NOP58: variants seen among roughly 807,000 people sequenced by gnomAD.
NOP58 encodes the protein nucleolar protein 58.
NOP58 carries 44 observed loss-of-function variants against 71.2 expected under a neutral mutation model. The observed-to-expected ratio is 0.62, with a 90% confidence interval of 0.49 to 0.79. The LOEUF (loss-of-function observed/expected upper bound fraction) is 0.79. Among genes scored for constraint, NOP58 ranks in the 30% least tolerant of loss-of-function variants. The pLI, the probability that NOP58 is intolerant of heterozygous loss-of-function variation, is 0.00. For missense variants in NOP58, 538 were observed against 620.2 expected (o/e 0.87, Z 1.41); for synonymous variants, 228 against 200.3 (o/e 1.14, Z -1.17).
rs772724471 is a variant in NOP58 at position 202,295,765 on chromosome 2, G to T, written c.999G>T (p.Arg333=). The T allele has an allele frequency of 2.5e-6, 4 of 1,611,548 alleles. No individual in the cohort carries two copies. The highest frequency in any genetic ancestry group is 3.4e-6 in the Non-Finnish European group (4 of 1,179,014). Residue 333 remains arginine (R), a synonymous_variant, in exon 10 of 15, where the codon CGG becomes CGT. Coordinates refer to ENST00000264279, the MANE Select transcript of NOP58 (RefSeq NM_015934.5). The stretch of plus-strand genomic sequence containing the variant: ...TTTTCAGAGCCCTCAAATCTAGACG[G>T]GATACCCCTAAGTATGGTCTCATTT... The part of the protein sequence containing the change: ...KALFRALKSR[R]DTPKYGLIYH...
intron 10 of NOP58, among the ~76,000 whole-genome samples, chr2:202,296,678 A>G (rs765948373): frequency 3.0e-4 from 45 of 152,118 alleles, no homozygotes; most frequent in Middle Eastern, 3.2e-3. Flanking sequence ...GTTCAATAAA[A>G]TAAAATGTTA....
At chr2:202,293,255 TAAGAAATCACTGTAGAGAAAGAAAAAAAA>T (rs1688934119) in intron 9 of NOP58, 2 of 386,022 alleles carry the variant, frequency 5.2e-6, no homozygotes, top group East Asian at 6.6e-5. Flanking sequence ...AATACAGTTT[TAAGAAATCACTGTAGAGAAAGAAAAAAAA>T]AAGAAATCAC....
rs575291968 is a variant in NOP58 at position 202,291,127 on chromosome 2, G to A, written c.637G>A (p.Asp213Asn). Residue 213 changes from aspartate to asparagine, a missense_variant and splice_region_variant, in exon 8 of 15, where the codon GAT becomes AAT. Coordinates refer to ENST00000264279, the MANE Select transcript of NOP58 (RefSeq NM_015934.5). Reference sequence around the variant, plus strand: ...CATCCTCTGCAAACATTCCATAGGCGATAGGAAGAACTATGCCTCTGCCAA... The same window carrying A: ...CATCCTCTGCAAACATTCCATAGGCAATAGGAAGAACTATGCCTCTGCCAA... Reference protein sequence around the residue: ...TYCKCLQKVGDRKNYASAKLS... With the variant: ...TYCKCLQKVGNRKNYASAKLS... 14 of 1,601,082 alleles carry A rather than the reference G, an allele frequency of 8.7e-6. No homozygotes were observed. The African/African-American group carries it at 9.4e-5, about 11-fold the overall frequency.
Position 202,287,730 on chromosome 2 carries a change from T to C in NOP58, c.499+6T>C. The C allele has an allele frequency of 6.3e-7, 1 of 1,599,966 alleles. No individual in the cohort carries two copies. Among genetic ancestry groups the C allele is most frequent in the Non-Finnish European group, 8.6e-7 (1 of 1,167,178 alleles). On this transcript the variant is annotated splice_donor_region_variant and intron_variant, in intron 6 of 14. Transcript: ENST00000264279. The stretch of plus-strand genomic sequence containing the variant: ...AATGATTGTTCAGGCAATTTGTAAG[T>C]ATAGTACATGCAAAGTCCGATTTGT...
chr2:202,276,492 C>T (rs199644897), intron 2 of NOP58: 132 of 515,966 alleles, frequency 2.6e-4, no homozygotes, highest in African/African-American at 1.7e-3. Flanking sequence ...ACTCAATATT[C>T]GTCACTACCA....
chr2:202,289,128 G>GA lies in NOP58; in HGVS notation c.500-1185dup, dbSNP rs946540678. 7.9e-4 allele frequency among the ~76,000 whole-genome samples: 115 copies of GA among 144,740 alleles called. 1 individual carries two copies. Among genetic ancestry groups the GA allele is most frequent in the African/African-American group, 2.5e-3 (98 of 39,544 alleles). 95.0% of individuals were successfully genotyped at this position (144,740 alleles called of 152,430 possible). ...GAGTTAGACTCTGTCTCCAAAAAAA[G>GA]AAAAAAAAAAGCGCTCAACCAGCGA... On this transcript the variant is annotated intron_variant, in intron 6 of 14. Transcript: ENST00000264279.
rs1689019076 is a variant in NOP58 at position 202,297,847 on chromosome 2, A to G, written c.1209A>G (p.Ile403Met). The stretch of plus-strand genomic sequence containing the variant: ...GTAATTTTTCGTTTTCTTCTTAGAT[A>G]AGAAAAATAAGTGGAACAGGAAAAG... ...ARLRTLEDRG[I>M]RKISGTGKAL... The change falls in exon 12 of 15, where the codon ATA becomes ATG. Residue 403 changes from isoleucine to methionine, a missense_variant and splice_region_variant. Physicochemically the swap from Ile to Met is conservative, Grantham distance 10 (BLOSUM62 1). Transcript: ENST00000264279. The G allele has an allele frequency of 1.3e-6, 2 of 1,557,272 alleles. No individual in the cohort carries two copies. Among genetic ancestry groups the G allele is most frequent in the Non-Finnish European group, 8.7e-7 (1 of 1,143,114 alleles).
rs755763780 is a variant in NOP58 at position 202,270,230 on chromosome 2, A to T, written c.45+4244A>T. 3.0e-4 allele frequency among the ~76,000 whole-genome samples: 45 copies of T among 151,994 alleles called. 1 individual carries two copies. Among genetic ancestry groups the T allele is most frequent in the Admixed American group, 3.0e-3 (45 of 15,238 alleles). ...CACTGTTCAGCTTTCTTTTTGCATA[A>T]TTTTTTCTAGAAGTTTCATGTAAGT... On this transcript the variant is annotated intron_variant, in intron 1 of 14. Coordinates refer to ENST00000264279, the MANE Select transcript of NOP58 (RefSeq NM_015934.5).
At chr2:202,294,949 A>G (rs575611268) in intron 9 of NOP58, among the ~76,000 whole-genome samples, 1 of 150,470 alleles carries the variant, frequency 6.6e-6, no homozygotes, top group Non-Finnish European at 1.5e-5. Flanking sequence ...TGCGCAACAG[A>G]GCGAAACTCT....
At chr2:202,272,591 C>T (rs1640158151) in intron 1 of NOP58, among the ~76,000 whole-genome samples, 1 of 152,212 alleles carries the variant, frequency 6.6e-6, no homozygotes. Context: ...ACTAATAGCT[C>T]TAACTTTGTA....
chr2:202,282,249 C>T (rs571931265), intron 3 of NOP58, 102 bp from the exon 4 acceptor site: 6 of 813,700 alleles, frequency 7.4e-6, no homozygotes, highest in South Asian at 1.8e-5. Context: ...AAATTCAAGC[C>T]CTTTGAAAGG....
intron 1 of NOP58, among the ~76,000 whole-genome samples, chr2:202,274,560 G>T (rs1027822882): frequency 5.9e-5 from 9 of 151,868 alleles, no homozygotes; most frequent in Non-Finnish European, 1.3e-4. Flanking sequence ...AGTTTTTAAT[G>T]ATTACAATAC....
Position 202,284,412 on chromosome 2 carries a change from A to G in NOP58, c.365A>G (p.Gln122Arg), listed in dbSNP as rs1688756916. Residue 122 changes from glutamine (Q) to arginine (R), a missense_variant, in exon 5 of 15, where the codon CAA (glutamine) becomes CGA (arginine). Transcript: ENST00000264279. ...VNELMRGIRSQMDGLIPGVEP... is the reference protein window; with the variant it reads ...VNELMRGIRSRMDGLIPGVEP... Reference sequence around the variant, plus strand: ...GAACTTATGAGAGGAATTCGTTCACAAATGGATGGATTAATCCCTGGGGTA... The same window carrying G: ...GAACTTATGAGAGGAATTCGTTCACGAATGGATGGATTAATCCCTGGGGTA... 11 of 1,613,992 alleles carry G rather than the reference A, an allele frequency of 6.8e-6. No homozygotes were observed. The highest frequency in any genetic ancestry group is 8.5e-6 in the Non-Finnish European group (10 of 1,179,852).
At chr2:202,280,667 G>C (rs1041720680) in intron 3 of NOP58, among the ~76,000 whole-genome samples, 8 of 151,346 alleles carry the variant, frequency 5.3e-5, no homozygotes, top group African/African-American at 1.9e-4. Context: ...AATAGGGTCT[G>C]TTGGGGTGTG....
At chr2:202,285,630 C>T (rs1688774128) in intron 5 of NOP58, among the ~76,000 whole-genome samples, 1 of 152,036 alleles carries the variant, frequency 6.6e-6, no homozygotes, top group Non-Finnish European at 1.5e-5. Context: ...GGTGAGCCAC[C>T]ATGCCCAGTC....
intron 8 of NOP58, among the ~76,000 whole-genome samples, 183 bp from the exon 9 acceptor site, chr2:202,292,594 C>T (rs1232970396): frequency 2.0e-5 from 3 of 151,530 alleles, no homozygotes; most frequent in Non-Finnish European, 4.4e-5. Context: ...GCTGAGATTG[C>T]GCCACTGCGC....
intron 12 of NOP58, 58 bp downstream of exon 12, chr2:202,297,964 A>G (rs1689022026): frequency 1.8e-6 from 2 of 1,085,438 alleles, no homozygotes; most frequent in African/African-American, 1.6e-5. Context: ...AATTATTGAC[A>G]GTAATTTTTT....
At position 202,283,385 on chromosome 2, in the gene NOP58, A is replaced by G. The variant is rs114222837; in HGVS notation, c.297+913A>G. On this transcript the variant is annotated intron_variant, in intron 4 of 14. Transcript: ENST00000264279. ...GCTGGGATTACAGACGCCCGCCAACACGCCCTGGCCTCCCAAAGTGCTAGG... is the reference window on the plus strand; with the variant it reads ...GCTGGGATTACAGACGCCCGCCAACGCGCCCTGGCCTCCCAAAGTGCTAGG... Among the ~76,000 whole-genome samples, 1,476 of 150,362 alleles carry G rather than the reference A, an allele frequency of 9.8e-3. 28 individuals are homozygous for G. The highest frequency in any genetic ancestry group is 0.035 in the African/African-American group (1,419 of 40,864).
chr2:202,286,136 C>G (rs1253383681), intron 5 of NOP58, among the ~76,000 whole-genome samples: 2 of 113,610 alleles, frequency 1.8e-5, no homozygotes, highest in East Asian at 2.8e-4. Context: ...GAGTGGAGAT[C>G]GCTCCACTGC....
Sources: allele counts gnomAD v4.1 joint callset (sites outside exome capture counted in the v4.1 genomes callset), GRCh38; gene constraint gnomAD v4.1.1; transcripts MANE v1.5; gene names NCBI Gene and HGNC (gene_info 2026-07-23, HGNC 2026-07-21).